Variants in FOXP2 observed in about 807,000 individuals in gnomAD.
The protein encoded by FOXP2 is forkhead box protein P2.
FOXP2 carries 12 observed loss-of-function variants against 115.8 expected under a neutral mutation model. The ratio of observed to expected loss-of-function variants is 0.10; its 90% confidence interval spans 0.07 to 0.17. The LOEUF is 0.17. Ranked by LOEUF, FOXP2 falls within the 10% of genes least tolerant of loss-of-function variation. The pLI, the probability that FOXP2 is intolerant of heterozygous loss-of-function variation, is 1.00. For synonymous variants in FOXP2, 328 were observed against 297.7 expected, an observed-to-expected ratio of 1.10 and a Z score of -1.05; for missense variants, 629 against 843.5, an observed-to-expected ratio of 0.75 and a Z score of 3.15.
intron 2 of FOXP2, among the ~76,000 whole-genome samples, chr7:114,384,485 A>G (rs891326677): frequency 6.6e-6 from 1 of 152,068 alleles, no homozygotes; most frequent in African/African-American, 2.4e-5. Flanking sequence ...TGCTTCCACA[A>G]GAGTCTCCGT....
At chr7:114,640,777 G>T (rs1308373497) in intron 6 of FOXP2, among the ~76,000 whole-genome samples, 1 of 152,132 alleles carries the variant, frequency 6.6e-6, no homozygotes, top group African/African-American at 2.4e-5. Flanking sequence ...CTTTATATTA[G>T]ATGTTATAGA....
intron 2 of FOXP2, among the ~76,000 whole-genome samples, chr7:114,354,506 A>C (rs559936769): frequency 6.6e-6 from 1 of 152,208 alleles, no homozygotes; most frequent in African/African-American, 2.4e-5. Context: ...TGGTTGGCAA[A>C]ATGCCAACAG....
At chr7:114,619,885 T>A in intron 3 of FOXP2, among the ~76,000 whole-genome samples, 1 of 152,078 alleles carries the variant, frequency 6.6e-6, no homozygotes, top group Non-Finnish European at 1.5e-5. Context: ...TTTCATTCAG[T>A]CATAGTATTA....
At chr7:114,102,732 A>ACACACACACACACACACACACC (rs757957770) in intron 1 of FOXP2, among the ~76,000 whole-genome samples, 44 of 146,202 alleles carry the variant, frequency 3.0e-4, no homozygotes, top group African/African-American at 1.1e-3. Flanking sequence ...ACACACACAC[A>ACACACACACACACACACACACC]CCCCAATGGT....
intron 2 of FOXP2, among the ~76,000 whole-genome samples, chr7:114,323,576 C>T (rs931733602): frequency 3.3e-5 from 5 of 151,920 alleles, no homozygotes; most frequent in African/African-American, 9.6e-5. Context: ...CCAAAAAATA[C>T]GATATTGGAA....
intron 2 of FOXP2, among the ~76,000 whole-genome samples, chr7:114,446,938 C>G (rs1327005539): frequency 6.6e-6 from 1 of 151,684 alleles, no homozygotes; most frequent in Non-Finnish European, 1.5e-5. Context: ...TTAGTAGAGA[C>G]AGGGTTTCAC....
rs145410125 is a variant in FOXP2, at chr7:114,274,340, T to A, written c.-101-13679T>A. On this transcript the variant is annotated intron_variant, in intron 1 of 17. Transcript: ENST00000634411. ...TTTGAATGAACTGTTATATGTTAGATCAATTAAGCATAAGAAAAATAAAAG... is the reference window on the plus strand; with the variant it reads ...TTTGAATGAACTGTTATATGTTAGAACAATTAAGCATAAGAAAAATAAAAG... 2.6e-3 allele frequency among the ~76,000 whole-genome samples: 402 copies of A among 152,250 alleles called. 3 individuals carry two copies. Among genetic ancestry groups the A allele is most frequent in the African/African-American group, 9.3e-3 (385 of 41,576 alleles).
At chr7:114,402,827 G>T (rs912452117) in intron 2 of FOXP2, among the ~76,000 whole-genome samples, 2 of 151,918 alleles carry the variant, frequency 1.3e-5, no homozygotes, top group Admixed American at 6.6e-5. Flanking sequence ...TGGTAATGAT[G>T]AGTATCTTGT....
chr7:114,362,699 C>G (rs1318685367), intron 2 of FOXP2, among the ~76,000 whole-genome samples: 1 of 151,880 alleles, frequency 6.6e-6, no homozygotes, highest in Non-Finnish European at 1.5e-5. Flanking sequence ...TAATAGAAAC[C>G]AAAATGTTTT....
Position 114,691,944 on chromosome 7 carries a change from A to AG in FOXP2, c.*2018_*2019insG, listed in dbSNP as rs760604250. 12 of 135,336 alleles carry AG rather than the reference A, an allele frequency of 8.9e-5. No individual in the cohort carries two copies. Among genetic ancestry groups the AG allele is most frequent in the Non-Finnish European group, 1.8e-4 (9 of 49,164 alleles). The allele number at this position is 135,336 out of a possible 1,614,324, so 8.4% of individuals were successfully genotyped here. ...TCTACCTCTGCAAAAAAAAAAAAAGAAAAAAAAAAAAAGAAAAACATTAGA... is the reference window on the plus strand; with the variant it reads ...TCTACCTCTGCAAAAAAAAAAAAAGAGAAAAAAAAAAAAGAAAAACATTAGA... On this transcript the variant is annotated 3_prime_UTR_variant, in exon 17 of 17. Coordinates refer to ENST00000350908, the MANE Select transcript of FOXP2 (RefSeq NM_014491.4).
chr7:114,194,574 C>T (rs1793852976), intron 1 of FOXP2, among the ~76,000 whole-genome samples: 1 of 152,042 alleles, frequency 6.6e-6, no homozygotes, highest in Admixed American at 6.5e-5. Flanking sequence ...AAAACAACAA[C>T]ATTTATTCAA....
At chr7:114,549,108 G>A in intron 3 of FOXP2, among the ~76,000 whole-genome samples, 1 of 152,110 alleles carries the variant, frequency 6.6e-6, no homozygotes, top group East Asian at 1.9e-4. Context: ...CCTAGAAGAA[G>A]GTTCAAGGAA....
chr7:114,499,023 C>T, intron 2 of FOXP2: 3 of 704,834 alleles, frequency 4.3e-6, no homozygotes, highest in Non-Finnish European at 7.9e-6. Context: ...TAGAAATGCA[C>T]ATTCTCAGGC....
chr7:114,272,573 T>C (rs748078636), intron 1 of FOXP2, among the ~76,000 whole-genome samples: 1 of 151,888 alleles, frequency 6.6e-6, no homozygotes, highest in Non-Finnish European at 1.5e-5. Context: ...CATAGGCCTA[T>C]TCTGGTTATT....
At chr7:114,235,839 A>C (rs915192977) in intron 1 of FOXP2, among the ~76,000 whole-genome samples, 2 of 152,204 alleles carry the variant, frequency 1.3e-5, no homozygotes, top group Admixed American at 6.5e-5. Context: ...TTAGTTGTTC[A>C]TTCTCCAGTC....
chr7:114,406,068 T>G (rs2129197643), intron 2 of FOXP2, among the ~76,000 whole-genome samples: 1 of 151,144 alleles, frequency 6.6e-6, no homozygotes, highest in South Asian at 2.1e-4. Flanking sequence ...CACCATTTAT[T>G]CATAGAAAGA....
chr7:114,394,244 A>G (rs1049074230), intron 2 of FOXP2, among the ~76,000 whole-genome samples: 5 of 152,180 alleles, frequency 3.3e-5, no homozygotes, highest in African/African-American at 1.2e-4. Flanking sequence ...GGAATATGCT[A>G]AAAGAACATA....
chr7:114,668,117 T>C (rs892272936), intron 16 of FOXP2: 1 of 152,100 alleles, frequency 6.6e-6, no homozygotes, highest in Non-Finnish European at 1.5e-5. Flanking sequence ...TTGGGGAATC[T>C]AAGAACCTAA....
At chr7:114,555,209 C>A (rs1031063875) in intron 3 of FOXP2, among the ~76,000 whole-genome samples, 1 of 152,130 alleles carries the variant, frequency 6.6e-6, no homozygotes, top group African/African-American at 2.4e-5. Context: ...TCTTTCATTT[C>A]ACAGAATAGG....
Sources: allele counts gnomAD v4.1 joint callset (sites outside exome capture counted in the v4.1 genomes callset), GRCh38; gene constraint gnomAD v4.1.1; transcripts MANE v1.5; gene names NCBI Gene and HGNC (gene_info 2026-07-23, HGNC 2026-07-21).